TNNI3K: variants seen among roughly 807,000 people sequenced by gnomAD.
The protein encoded by TNNI3K is TNNI3 interacting kinase.
A neutral mutation model predicts 114.5 loss-of-function variants in TNNI3K; 140 were observed. The observed-to-expected ratio is 1.22, with a 90% CI of 1.07 to 1.41. The LOEUF (loss-of-function observed/expected upper bound fraction) is 1.41. Among genes scored for constraint, TNNI3K ranks in the 40% most tolerant of loss-of-function variants. The pLI is 0.00. For synonymous variants in TNNI3K, 347 were observed against 347.5 expected, an observed-to-expected ratio of 1.00 and a Z score of 0.02; for missense variants, 1,125 against 1,007.6, an observed-to-expected ratio of 1.12 and a Z score of -1.58.
chr1:74,289,266 AAATT>A (rs1460712489), intron 5 of TNNI3K, among the ~76,000 whole-genome samples: 103 of 152,114 alleles, frequency 6.8e-4, no homozygotes, highest in African/African-American at 2.4e-3. Flanking sequence ...TGATTTTTAA[AAATT>A]AATTAAAAAA....
chr1:74,297,353 G>A (rs1217816487), intron 5 of TNNI3K, among the ~76,000 whole-genome samples: 1 of 152,128 alleles, frequency 6.6e-6, no homozygotes, highest in Admixed American at 6.5e-5. Flanking sequence ...ATATTTGGTG[G>A]TGGGACTTTT....
At chr1:74,240,666 AAGACTAT>A (rs1366902959) in intron 2 of TNNI3K, 1 of 152,184 alleles carries the variant, frequency 6.6e-6, no homozygotes, top group Non-Finnish European at 1.5e-5. Flanking sequence ...AATAAATTTT[AAGACTAT>A]GTTTTGCTAA....
intron 17 of TNNI3K, among the ~76,000 whole-genome samples, chr1:74,428,618 A>C (rs1665746451): frequency 6.6e-6 from 1 of 152,022 alleles, no homozygotes; most frequent in South Asian, 2.1e-4. Flanking sequence ...TTAGGCCCCA[A>C]GGTACACGGA....
chr1:74,355,573 C>A (rs1195938587), intron 11 of TNNI3K, among the ~76,000 whole-genome samples: 2 of 151,900 alleles, frequency 1.3e-5, no homozygotes, highest in Non-Finnish European at 2.9e-5. Flanking sequence ...CATTGCACTC[C>A]AGCCTGGCAA....
At chr1:74,237,475 T>C (rs1371453714) in intron 2 of TNNI3K, among the ~76,000 whole-genome samples, 1 of 152,040 alleles carries the variant, frequency 6.6e-6, no homozygotes, top group Non-Finnish European at 1.5e-5. Flanking sequence ...GAGATTTTCC[T>C]CAACTTTTAA....
At chr1:74,244,945 C>T (rs483259) in intron 2 of TNNI3K, among the ~76,000 whole-genome samples, 93,175 of 151,774 alleles carry the variant, frequency 0.61, 29,600 homozygotes, top group African/African-American at 0.77. Context: ...ATTAAAAGTT[C>T]GAGAGATCAA....
intron 5 of TNNI3K, among the ~76,000 whole-genome samples, chr1:74,285,442 T>A (rs1657269502): frequency 6.6e-6 from 1 of 152,110 alleles, no homozygotes; most frequent in African/African-American, 2.4e-5. Flanking sequence ...TTTCTACCCA[T>A]CCCCAAAGCC....
At chr1:74,454,942 G>A (rs1314663418) in intron 20 of TNNI3K, among the ~76,000 whole-genome samples, 1 of 152,132 alleles carries the variant, frequency 6.6e-6, no homozygotes, top group African/African-American at 2.4e-5. Flanking sequence ...AGCAGTGGTT[G>A]ATAATAATAA....
intron 4 of TNNI3K, among the ~76,000 whole-genome samples, chr1:74,252,547 C>G (rs1015602140): frequency 6.6e-6 from 1 of 152,180 alleles, no homozygotes; most frequent in Non-Finnish European, 1.5e-5. Context: ...CAGGGACCCT[C>G]GCGGTGAGTA....
At chr1:74,278,654 A>G (rs1306750280) in intron 5 of TNNI3K, among the ~76,000 whole-genome samples, 1 of 152,132 alleles carries the variant, frequency 6.6e-6, no homozygotes, top group Non-Finnish European at 1.5e-5. Context: ...TGTACACTTC[A>G]ATGGTTTTTA....
At chr1:74,314,044 A>ATTGT (rs200620321) in intron 5 of TNNI3K, among the ~76,000 whole-genome samples, 23 of 44,460 alleles carry the variant, frequency 5.2e-4, no homozygotes, top group African/African-American at 1.4e-3. Flanking sequence ...GAGAAAGTTC[A>ATTGT]TTATATATAT....
intron 2 of TNNI3K, among the ~76,000 whole-genome samples, chr1:74,238,574 G>A (rs1027873072): frequency 1.3e-5 from 2 of 152,052 alleles, no homozygotes; most frequent in Non-Finnish European, 2.9e-5. Context: ...AATTAAAAAT[G>A]TAAAGTATTA....
At chr1:74,511,279 G>C (rs570632605) in intron 23 of TNNI3K, among the ~76,000 whole-genome samples, 72 of 151,522 alleles carry the variant, frequency 4.8e-4, no homozygotes, top group African/African-American at 1.5e-3. Flanking sequence ...CACAACCTCT[G>C]CCTCCCGGGT....
intron 5 of TNNI3K, among the ~76,000 whole-genome samples, chr1:74,298,282 T>G (rs902698869): frequency 6.6e-6 from 1 of 152,178 alleles, no homozygotes; most frequent in African/African-American, 2.4e-5. Flanking sequence ...TTTGAGTATC[T>G]TCTTCTCAAA....
chr1:74,484,948 A>T (rs182244443), intron 21 of TNNI3K, among the ~76,000 whole-genome samples: 19 of 152,286 alleles, frequency 1.2e-4, no homozygotes, highest in African/African-American at 4.6e-4. Flanking sequence ...CAAGGAAGGG[A>T]TGATGTGGTG....
At chr1:74,396,083 G>T (rs6693806) in intron 17 of TNNI3K, among the ~76,000 whole-genome samples, 3 of 152,026 alleles carry the variant, frequency 2.0e-5, no homozygotes, top group Non-Finnish European at 4.4e-5. Context: ...GAAAAAGAGC[G>T]TAATAAATAG....
intron 2 of TNNI3K, chr1:74,240,621 C>A (rs1315995942): frequency 3.3e-5 from 5 of 151,978 alleles, no homozygotes; most frequent in Non-Finnish European, 7.4e-5. Flanking sequence ...CAAATGTTTT[C>A]AATTAAATTA....
chr1:74,236,209 G>T lies in TNNI3K; in HGVS notation c.148G>T (p.Gly50Cys). 6.2e-7 allele frequency: 1 copy of T among 1,602,310 alleles called. No homozygotes were observed. Among genetic ancestry groups the T allele is most frequent in the South Asian group, 1.1e-5 (1 of 89,988 alleles). Reference sequence around the variant, plus strand: ...ACTGACAGAACTAAGGAATATATTTGGGTAAAGTTGTAAGAGTCATTATTT... The same window carrying T: ...ACTGACAGAACTAAGGAATATATTTTGGTAAAGTTGTAAGAGTCATTATTT... ...KELTELRNIF[G>C]SDEAFSKVNL... is the part of the protein sequence containing the mutation. The change falls in exon 2 of 25, where the codon GGC becomes TGC. Residue 50 changes from glycine to cysteine, a missense_variant and splice_region_variant. Gly to Cys is a radical substitution (Grantham distance 159). Coordinates refer to ENST00000326637, the MANE Select transcript of TNNI3K (RefSeq NM_015978.3).
intron 23 of TNNI3K, among the ~76,000 whole-genome samples, chr1:74,523,855 A>G (rs922697424): frequency 8.5e-5 from 13 of 152,136 alleles, no homozygotes; most frequent in African/African-American, 2.7e-4. Context: ...TACATGTGCC[A>G]TGGTGGTTTG....
Sources: allele counts gnomAD v4.1 joint callset (sites outside exome capture counted in the v4.1 genomes callset), GRCh38; gene constraint gnomAD v4.1.1; transcripts MANE v1.5; gene names NCBI Gene and HGNC (gene_info 2026-07-23, HGNC 2026-07-21).